The following ALG1 variants were observed in gnomAD, a reference collection of about 807,000 sequenced individuals.
ALG1 encodes the protein chitobiosyldiphosphodolichol beta-mannosyltransferase.
In ALG1, 58 loss-of-function variants were observed where a neutral mutation model predicts 55.1. The ratio of observed to expected loss-of-function variants is 1.05; its 90% CI spans 0.85 to 1.31. The LOEUF is 1.31. Ranked by LOEUF, ALG1 falls within the 50% of genes most tolerant of loss-of-function variation. The probability of loss-of-function intolerance (pLI) is 0.00; values close to 1 mark genes in which losing one functional copy is unlikely to be tolerated. For missense variants in ALG1, 761 were observed against 598.6 expected, an observed-to-expected ratio of 1.27 and a Z score of -2.83; for synonymous variants, 309 against 247.0, an observed-to-expected ratio of 1.25 and a Z score of -2.35.
At chr16:5,078,057 C>T in intron 6 of ALG1, 40 bp downstream of exon 6, 1 of 1,591,494 alleles carries the variant, frequency 6.3e-7, no homozygotes, top group African/African-American at 1.3e-5. Flanking sequence ...TCCTGCTCGC[C>T]ACTGCCCTGG....
In ALG1 at chr16:5,085,700, G is replaced by A. The variant is rs771051209; in HGVS notation, c.*819G>A. On this transcript the variant is annotated 3_prime_UTR_variant, in exon 13 of 13. Coordinates refer to ENST00000262374, the MANE Select transcript of ALG1 (RefSeq NM_019109.5). ...TAGGGAAACAGTTTCTGCTCATGAC[G>A]AGGTTCCACTTCCCATCTGATCCCG... The A allele has an allele frequency of 1.5e-5, 24 of 1,611,708 alleles. 1 individual carries two copies. The highest frequency in any genetic ancestry group is 1.2e-4 in the South Asian group (11 of 90,990).
rs1185702028 is a variant in ALG1 at position 5,078,829 on chromosome 16, G to A, written c.813G>A (p.Thr271=). The change falls in exon 7 of 13, where the codon ACG becomes ACA. Residue 271 remains threonine, a synonymous_variant. Coordinates refer to ENST00000262374, the MANE Select transcript of ALG1 (RefSeq NM_019109.5). ...TERDAGSGLV[T]RLRERPALLV... is the part of the protein sequence containing the mutation. ...GGGATGCTGGGAGCGGGCTGGTGAC[G>A]CGTCTCCGTGAGCGGCCAGCCCTGC... The A allele has an allele frequency of 2.5e-6, 4 of 1,612,230 alleles. No individual in the cohort carries two copies. The highest frequency in any genetic ancestry group is 2.5e-6 in the Non-Finnish European group (3 of 1,179,782).
intron 5 of ALG1, 44 bp downstream of exon 5, chr16:5,077,578 C>T (rs548079037): frequency 1.5e-5 from 23 of 1,585,282 alleles, no homozygotes; most frequent in Non-Finnish European, 1.8e-5. Context: ...AGGCGCGGGG[C>T]CCCTGATTGG....
intron 3 of ALG1, among the ~76,000 whole-genome samples, chr16:5,073,785 G>A (rs1956862538): frequency 6.6e-6 from 1 of 152,246 alleles, no homozygotes; most frequent in South Asian, 2.1e-4. Context: ...CGTGATCTCG[G>A]CTCACTGCAA....
chr16:5,084,210 G>C, intron 12 of ALG1: 1 of 274,096 alleles, frequency 3.6e-6, no homozygotes, highest in South Asian at 4.5e-5. Flanking sequence ...GTCGGAAGTC[G>C]TTTAGACTGG....
In ALG1 at chr16:5,082,642, T is replaced by C. The variant is rs1957035810; in HGVS notation, c.1156T>C (p.Cys386Arg). ...PMKVVDMFGC[C>R]LPVCAVNFKC... ...GAAGGTGGTGGACATGTTCGGGTGC[T>C]GTTTGCCTGTGTGTGCTGTGAACTT... is the stretch of plus-strand genomic sequence containing the variant. The change falls in exon 11 of 13, where the codon TGT (cysteine) becomes CGT (arginine). Residue 386 changes from cysteine (C) to arginine (R), a missense_variant. Coordinates refer to ENST00000262374, the MANE Select transcript of ALG1 (RefSeq NM_019109.5). 1 of 1,611,856 alleles carries C rather than the reference T, an allele frequency of 6.2e-7. No homozygotes were observed. Among genetic ancestry groups the C allele is most frequent in the Non-Finnish European group, 8.5e-7 (1 of 1,179,830 alleles).
In ALG1 at chr16:5,075,552, G is replaced by T. The variant is rs189715949; in HGVS notation, c.539+16G>T. On this transcript the variant is annotated intron_variant, in intron 4 of 12. Coordinates refer to ENST00000262374, the MANE Select transcript of ALG1 (RefSeq NM_019109.5). The stretch of plus-strand genomic sequence containing the variant: ...TGGCCAAGTGGTGAGAGTCTAGGAA[G>T]AGGGTAAAATACCGTCCCCTAAACC... 1 of 1,613,854 alleles carries T rather than the reference G, an allele frequency of 6.2e-7. No individual in the cohort carries two copies. Among genetic ancestry groups the T allele is most frequent in the Non-Finnish European group, 8.5e-7 (1 of 1,180,024 alleles).
Position 5,071,917 on chromosome 16 carries a change from G to A in ALG1, c.68G>A (p.Trp23Ter), listed in dbSNP as rs1360917125. 1 of 1,595,854 alleles carries A rather than the reference G, an allele frequency of 6.3e-7. No homozygotes were observed. Among genetic ancestry groups the A allele is most frequent in the Non-Finnish European group, 8.5e-7 (1 of 1,172,086 alleles). Reference sequence around the variant, plus strand: ...CTGCCGCTGCTGCTGCTGGGAGGATGGAAGCGCTGGCGCCGGGGGCGGGCG... The same window carrying A: ...CTGCCGCTGCTGCTGCTGGGAGGATAGAAGCGCTGGCGCCGGGGGCGGGCG... ...LLLPLLLLGG[W>*]KRWRRGRAAR... The change falls in exon 1 of 13, where the codon TGG becomes TAG. Residue 23 changes from tryptophan (W) to a stop codon, truncating the protein, a stop_gained. Coordinates refer to ENST00000262374, the MANE Select transcript of ALG1 (RefSeq NM_019109.5). LOFTEE classifies it high-confidence loss of function.
chr16:5,085,553 T>C lies in ALG1; in HGVS notation c.*672T>C. 3 of 1,083,376 alleles carry C rather than the reference T, an allele frequency of 2.8e-6. No individual in the cohort carries two copies. The South Asian group carries it at 3.7e-5, about 13-fold the overall frequency. 67.1% of individuals were successfully genotyped at this position (1,083,376 alleles called of 1,614,324 possible). A position where few individuals can be genotyped will look rare whatever the true frequency, so the allele number is the denominator to read the frequency against. The stretch of plus-strand genomic sequence containing the variant: ...CAAACATTCCAGTCCAATGAAAGTT[T>C]TATCCGCTTTCCCATATAAAAATTC... On this transcript the variant is annotated 3_prime_UTR_variant, in exon 13 of 13. Coordinates refer to ENST00000262374, the MANE Select transcript of ALG1 (RefSeq NM_019109.5).
rs1956983452 is a variant in ALG1, at chr16:5,079,755, A to G, written c.909A>G (p.Glu303=). ...TTCTTTTTCTAAACACAGAGTTTGA[A>G]CAACTGACTCTTGATGGACACAACC... ...SILLAALEKF[E]QLTLDGHNLP... The change falls in exon 9 of 13, where the codon GAA becomes GAG. Residue 303 remains glutamate, a synonymous_variant. Coordinates refer to ENST00000262374, the MANE Select transcript of ALG1 (RefSeq NM_019109.5). The G allele has an allele frequency of 6.2e-7, 1 of 1,611,832 alleles. No individual in the cohort carries two copies. Among genetic ancestry groups the G allele is most frequent in the Non-Finnish European group, 8.5e-7 (1 of 1,179,786 alleles).
chr16:5,075,344 G>C (rs1427228226), intron 3 of ALG1, 44 bp from the exon 4 acceptor site: 2 of 1,603,482 alleles, frequency 1.2e-6, no homozygotes, highest in African/African-American at 2.7e-5. Context: ...TTATTGCCTA[G>C]CATGGTCTGG....
intron 6 of ALG1, 32 bp from the exon 7 acceptor site, chr16:5,078,725 G>C (rs367992053): frequency 6.2e-7 from 1 of 1,612,196 alleles, no homozygotes; most frequent in African/African-American, 1.3e-5. Flanking sequence ...CTGCTCTATG[G>C]CCTCTCACAG....
rs1957160359 is a variant in ALG1 at position 5,086,241 on chromosome 16, G to C, written c.*1360G>C. Among the ~76,000 whole-genome samples the C allele has an allele frequency of 6.6e-6, 1 of 151,602 alleles. No homozygotes were observed. Among genetic ancestry groups the C allele is most frequent in the South Asian group, 2.1e-4 (1 of 4,774 alleles). On this transcript the variant is annotated 3_prime_UTR_variant, in exon 13 of 13. Coordinates refer to ENST00000262374, the MANE Select transcript of ALG1 (RefSeq NM_019109.5). The stretch of plus-strand genomic sequence containing the variant: ...TCCCAGCTACTTGGGAGGCTGAGGT[G>C]GGAGAATTGCTTGAACCCAGGAGGT...
In ALG1 at chr16:5,078,329, C is replaced by G. The variant is rs147882061; in HGVS notation, c.740+312C>G. On this transcript the variant is annotated intron_variant, in intron 6 of 12. Transcript: ENST00000262374. ...TTGTGGACCCCTGCGCTGTCTTACT[C>G]TCCTGCCAGTGGCTTCCCAGGCCTG... 2.2e-3 allele frequency: 1,374 copies of G among 611,134 alleles called. 10 individuals carry two copies. The highest frequency in any genetic ancestry group is 0.022 in the African/African-American group (1,243 of 55,316). The allele number at this position is 611,134 out of a possible 1,614,324, so 37.9% of individuals were successfully genotyped here.
Position 5,077,944 on chromosome 16 carries a change from A to G in ALG1, c.667A>G (p.Lys223Glu). 2 of 1,607,044 alleles carry G rather than the reference A, an allele frequency of 1.2e-6. No homozygotes were observed. Among genetic ancestry groups the G allele is most frequent in the South Asian group, 2.2e-5 (2 of 90,984 alleles). Residue 223 changes from lysine to glutamate, a missense_variant, in exon 6 of 13, where the codon AAA becomes GAA. Lys to Glu is a moderately conservative substitution (Grantham distance 56, BLOSUM62 1). Transcript: ENST00000262374. ...CTACGACAAGCCCGCATCTTTCTTT[A>G]AAGAGACACCTCTGGACCTGCAGCA... ...TVYDKPASFF[K>E]ETPLDLQHRL...
intron 9 of ALG1, 150 bp downstream of exon 9, chr16:5,079,957 A>AACTGAGGC (rs1956987097): frequency 1.9e-6 from 2 of 1,075,564 alleles, no homozygotes; most frequent in Non-Finnish European, 2.8e-6. Flanking sequence ...ACATGGGGGA[A>AACTGAGGC]ACTGAGGCTC....
At chr16:5,080,132 A>C (rs1956991599) in intron 9 of ALG1, among the ~76,000 whole-genome samples, 1 of 141,956 alleles carries the variant, frequency 7.0e-6, no homozygotes, top group Non-Finnish European at 1.5e-5. Context: ...CAGTGGTGCG[A>C]TCTCGGCTCA....
chr16:5,078,103 T>C lies in ALG1; in HGVS notation c.740+86T>C, dbSNP rs747782512. ...TCTCACTGCAGACCTGGGAACCCACTCATCCAGGGGTTGGCAAACTAAGGC... is the reference window on the plus strand; with the variant it reads ...TCTCACTGCAGACCTGGGAACCCACCCATCCAGGGGTTGGCAAACTAAGGC... On this transcript the variant is annotated intron_variant, in intron 6 of 12. Coordinates refer to ENST00000262374, the MANE Select transcript of ALG1 (RefSeq NM_019109.5). 3.3e-4 allele frequency: 492 copies of C among 1,471,384 alleles called. 3 individuals are homozygous for C. The highest frequency in any genetic ancestry group is 2.5e-4 in the Non-Finnish European group (268 of 1,073,910). The allele number at this position is 1,471,384 out of a possible 1,614,324, so 91.1% of individuals were successfully genotyped here. A position where few individuals can be genotyped will look rare whatever the true frequency, so the allele number is the denominator to read the frequency against.
chr16:5,084,926 C>G lies in ALG1; in HGVS notation c.*45C>G, dbSNP rs762053544. On this transcript the variant is annotated 3_prime_UTR_variant, in exon 13 of 13. Coordinates refer to ENST00000262374, the MANE Select transcript of ALG1 (RefSeq NM_019109.5). The stretch of plus-strand genomic sequence containing the variant: ...AACCCCAGGACCCCTGCTGTCCTTC[C>G]CGCAGCTTCTTCTTGGAGTCTCAGG... 1.7e-5 allele frequency: 27 copies of G among 1,596,380 alleles called. No individual in the cohort carries two copies. The highest frequency in any genetic ancestry group is 2.3e-5 in the Non-Finnish European group (27 of 1,179,738).
Sources: gnomAD v4.1 joint callset for allele counts (sites outside exome capture counted in the v4.1 genomes callset) on GRCh38, gnomAD v4.1.1 for gene constraint, MANE v1.5 for transcripts, NCBI Gene and HGNC (gene_info 2026-07-23, HGNC 2026-07-21) for gene names.